Variants in ENTHD1 observed in about 807,000 individuals in gnomAD.
ENTHD1 encodes the protein ENTH domain-containing protein 1.
A neutral mutation model predicts 39.1 loss-of-function variants in ENTHD1; 23 were observed. That is an observed-to-expected ratio of 0.59 (90% CI 0.42 to 0.83). ENTHD1 has a LOEUF of 0.83. ENTHD1 is among the 40% of genes least tolerant of loss of function. ENTHD1 has a pLI of 0.00. For synonymous variants in ENTHD1, 230 were observed against 258.2 expected (o/e 0.89, Z 1.05); for missense variants, 624 against 705.4 (o/e 0.88, Z 1.31).
chr22:39,861,792 G>C lies in ENTHD1; in HGVS notation c.565C>G (p.Pro189Ala). 6.4e-7 allele frequency: 1 copy of C among 1,556,066 alleles called. No homozygotes were observed. Among genetic ancestry groups the C allele is most frequent in the Non-Finnish European group, 8.7e-7 (1 of 1,144,570 alleles). ...ISASEKKYKL[P>A]KFGRLHNKRN... The stretch of plus-strand genomic sequence containing the variant: ...TTATTATGTAACCTTCCAAACTTAG[G>C]AAGCTTATACTTCTTCTCTGAAGCA... Residue 189 changes from proline (P) to alanine (A), a missense_variant, in exon 3 of 7, where the codon CCT becomes GCT. Coordinates refer to ENST00000325157, the MANE Select transcript of ENTHD1 (RefSeq NM_152512.4).
intron 2 of ENTHD1, among the ~76,000 whole-genome samples, chr22:39,863,790 T>A (rs1404349308): frequency 6.6e-6 from 1 of 152,192 alleles, no homozygotes; most frequent in African/African-American, 2.4e-5. Flanking sequence ...GTGGAAGTGA[T>A]GAGAAATGGT....
rs2065075026 is a variant in ENTHD1 at position 39,743,466 on chromosome 22, A to G, written c.*213T>C. On this transcript the variant is annotated 3_prime_UTR_variant, in exon 7 of 7. Coordinates refer to ENST00000325157, the MANE Select transcript of ENTHD1 (RefSeq NM_152512.4). ...TCTGTTTCAAATGAACTAATATCTAAATCTGAAATTATCAAAGGTGACATC... is the reference window on the plus strand; with the variant it reads ...TCTGTTTCAAATGAACTAATATCTAGATCTGAAATTATCAAAGGTGACATC... 2.0e-6 allele frequency: 1 copy of G among 505,230 alleles called. No homozygotes were observed. The highest frequency in any genetic ancestry group is 3.3e-6 in the Non-Finnish European group (1 of 300,620). The allele number at this position is 505,230 out of a possible 1,614,324, so 31.3% of individuals were successfully genotyped here.
chr22:39,799,814 C>T (rs968829185), intron 5 of ENTHD1, among the ~76,000 whole-genome samples: 5 of 152,230 alleles, frequency 3.3e-5, no homozygotes, highest in Admixed American at 6.5e-5. Flanking sequence ...TCTCCTGTCT[C>T]TATCACTGGG....
intron 5 of ENTHD1, among the ~76,000 whole-genome samples, chr22:39,801,578 A>T (rs967154064): frequency 2.0e-5 from 3 of 152,246 alleles, no homozygotes; most frequent in African/African-American, 7.2e-5. Context: ...TTCACTGTCT[A>T]CTTTGCCTAG....
chr22:39,843,174 G>T (rs999611205), intron 3 of ENTHD1, among the ~76,000 whole-genome samples: 5 of 152,044 alleles, frequency 3.3e-5, no homozygotes, highest in Admixed American at 6.6e-5. Context: ...TGTTTACTGC[G>T]GCACTATTCA....
intron 4 of ENTHD1, among the ~76,000 whole-genome samples, chr22:39,832,104 G>A (rs2065873714): frequency 6.6e-6 from 1 of 152,150 alleles, no homozygotes; most frequent in African/African-American, 2.4e-5. Context: ...GATCACTTGA[G>A]GCCAGGAGTT....
Position 39,769,227 on chromosome 22 carries a change from T to C in ENTHD1, c.833-3618A>G, listed in dbSNP as rs146785759. On this transcript the variant is annotated intron_variant, in intron 5 of 6. Transcript: ENST00000325157. ...AATAAATGAATGAACATGAATATATTTGCTCAGCAACAATTTGAACATGTT... is the reference window on the plus strand; with the variant it reads ...AATAAATGAATGAACATGAATATATCTGCTCAGCAACAATTTGAACATGTT... Among the ~76,000 whole-genome samples, 17 of 152,276 alleles carry C rather than the reference T, an allele frequency of 1.1e-4. No individual in the cohort carries two copies. The East Asian group carries it at 3.3e-3, about 29-fold the overall frequency.
chr22:39,887,938 T>A (rs1043587028), intron 1 of ENTHD1, 35 bp from the exon 2 acceptor site: 9 of 508,170 alleles, frequency 1.8e-5, no homozygotes, highest in East Asian at 1.6e-4. Context: ...TACATTAAAC[T>A]TTTTTTTAAG....
At chr22:39,870,245 G>C (rs2066230844) in intron 2 of ENTHD1, among the ~76,000 whole-genome samples, 2 of 151,992 alleles carry the variant, frequency 1.3e-5, no homozygotes, top group Non-Finnish European at 2.9e-5. Context: ...CTGGCCTCAA[G>C]TGATCCACCT....
chr22:39,784,604 G>C (rs760560655), intron 5 of ENTHD1, among the ~76,000 whole-genome samples: 1 of 148,632 alleles, frequency 6.7e-6, no homozygotes, highest in East Asian at 2.0e-4. Context: ...AGCCATAAAA[G>C]AGAATGAAAT....
intron 3 of ENTHD1, among the ~76,000 whole-genome samples, chr22:39,854,058 G>A (rs546029468): frequency 2.6e-5 from 4 of 152,134 alleles, no homozygotes; most frequent in Non-Finnish European, 4.4e-5. Context: ...ATTGTGGGGT[G>A]CACTCACACC....
chr22:39,851,394 T>C (rs753967128), intron 3 of ENTHD1, among the ~76,000 whole-genome samples: 1 of 152,232 alleles, frequency 6.6e-6, no homozygotes, highest in Non-Finnish European at 1.5e-5. Flanking sequence ...TGATAACTGG[T>C]GATGCATGCG....
At chr22:39,861,576 A>C (rs1334260743) in intron 3 of ENTHD1, among the ~76,000 whole-genome samples, 189 bp downstream of exon 3, 1 of 152,006 alleles carries the variant, frequency 6.6e-6, no homozygotes, top group Non-Finnish European at 1.5e-5. Context: ...CAAACAAATA[A>C]ACTTTAAAAA....
At chr22:39,855,859 G>GT (rs1238036314) in intron 3 of ENTHD1, among the ~76,000 whole-genome samples, 3 of 152,156 alleles carry the variant, frequency 2.0e-5, no homozygotes, top group African/African-American at 7.2e-5. Flanking sequence ...AAATAAATTT[G>GT]TATGTTTAAG....
intron 5 of ENTHD1, among the ~76,000 whole-genome samples, chr22:39,789,249 A>G (rs1294073453): frequency 6.6e-6 from 1 of 152,054 alleles, no homozygotes; most frequent in Non-Finnish European, 1.5e-5. Flanking sequence ...CGGTAGTTCT[A>G]TTTTTATCTC....
chr22:39,799,548 G>A (rs147105016), intron 5 of ENTHD1, among the ~76,000 whole-genome samples: 2 of 152,250 alleles, frequency 1.3e-5, no homozygotes, highest in South Asian at 2.1e-4. Flanking sequence ...GGTCCTGCAC[G>A]CAGGTTTTCC....
chr22:39,841,865 C>T (rs112206378), intron 3 of ENTHD1, among the ~76,000 whole-genome samples: 7 of 151,996 alleles, frequency 4.6e-5, no homozygotes, highest in South Asian at 2.1e-4. Flanking sequence ...GATTTTGCAG[C>T]GGCTGGTACT....
chr22:39,769,059 C>G (rs2065301494), intron 5 of ENTHD1, among the ~76,000 whole-genome samples: 1 of 151,688 alleles, frequency 6.6e-6, no homozygotes, highest in African/African-American at 2.4e-5. Flanking sequence ...CACACACTAA[C>G]TTGTGTATAT....
At chr22:39,812,970 G>T (rs111356501) in intron 5 of ENTHD1, among the ~76,000 whole-genome samples, 34 of 152,076 alleles carry the variant, frequency 2.2e-4, no homozygotes, top group African/African-American at 8.0e-4. Context: ...TTTAGTAAAG[G>T]TGGGGTTTCA....
Sources: allele counts gnomAD v4.1 joint callset (sites outside exome capture counted in the v4.1 genomes callset), GRCh38; gene constraint gnomAD v4.1.1; transcripts MANE v1.5; gene names NCBI Gene and HGNC (gene_info 2026-07-23, HGNC 2026-07-21).